ZC2HC1B: variants seen among roughly 807,000 people sequenced by gnomAD.
The protein encoded by ZC2HC1B is zinc finger C2HC-type containing 1B.
A neutral mutation model predicts 31.0 loss-of-function variants in ZC2HC1B; 36 were observed. That is an observed-to-expected ratio of 1.16 (90% CI 0.89 to 1.54). ZC2HC1B has a LOEUF of 1.54. Ranked by LOEUF, ZC2HC1B falls within the 40% of genes most tolerant of loss-of-function variation. The pLI, the probability that ZC2HC1B is intolerant of heterozygous loss-of-function variation, is 0.00. For synonymous variants in ZC2HC1B, 73 were observed against 88.0 expected, an observed-to-expected ratio of 0.83 and a Z score of 0.95; for missense variants, 260 against 268.6, an observed-to-expected ratio of 0.97 and a Z score of 0.22.
chr6:143,897,001 G>A lies in ZC2HC1B; in HGVS notation c.350-1551G>A, dbSNP rs78768182. Among the ~76,000 whole-genome samples the A allele has an allele frequency of 3.1e-4, 47 of 152,210 alleles. 3 individuals carry two copies. In the East Asian group the frequency reaches 8.5e-3, roughly 27 times the overall value. On this transcript the variant is annotated intron_variant, in intron 4 of 7. Transcript: ENST00000237275. Reference sequence around the variant, plus strand: ...CAGTCAGTGTTAAATTAATGATGAGGTACTGCCTTCTGGATGGAGTAAGAA... The same window carrying A: ...CAGTCAGTGTTAAATTAATGATGAGATACTGCCTTCTGGATGGAGTAAGAA...
At position 143,917,346 on chromosome 6, in the gene ZC2HC1B, A is replaced by G. The variant is rs1393183985; in HGVS notation, c.598+14194A>G. On this transcript the variant is annotated intron_variant, in intron 6 of 7. Coordinates refer to ENST00000237275, the MANE Select transcript of ZC2HC1B (RefSeq NM_001013623.3). This position sits in a 1 kb window ranked among gnomAD's most constrained non-coding sequence, Gnocchi z 4.1. The stretch of plus-strand genomic sequence containing the variant: ...TTTATCAGCAGCATGAAAACAGACT[A>G]ATACTACCGTCTTCTTTTGTTTTTA... Among the ~76,000 whole-genome samples, 1 of 152,230 alleles carries G rather than the reference A, an allele frequency of 6.6e-6. No individual in the cohort carries two copies. Among genetic ancestry groups the G allele is most frequent in the Admixed American group, 6.5e-5 (1 of 15,280 alleles).
intron 6 of ZC2HC1B, among the ~76,000 whole-genome samples, chr6:143,916,148 C>T (rs1247479610): frequency 1.3e-5 from 2 of 152,184 alleles, no homozygotes; most frequent in Non-Finnish European, 2.9e-5. Flanking sequence ...TGCCCTGTGT[C>T]CCAGCTGCTC....
At chr6:143,929,625 G>A (rs1778094070) in intron 6 of ZC2HC1B, among the ~76,000 whole-genome samples, 1 of 152,116 alleles carries the variant, frequency 6.6e-6, no homozygotes, top group Non-Finnish European at 1.5e-5. Context: ...TCAGTGTTTT[G>A]GGACAGTTTC....
chr6:143,864,515 A>T lies in ZC2HC1B; in HGVS notation c.-25A>T, dbSNP rs1256462887. The T allele has an allele frequency of 3.0e-5, 47 of 1,551,502 alleles. No homozygotes were observed. Among genetic ancestry groups the T allele is most frequent in the Non-Finnish European group, 4.0e-5 (46 of 1,146,842 alleles). ...GACTGGGCTGTAAAAATCTGTGAACACTGTTGCTCTGAGTTAGGAACAGAA... is the reference window on the plus strand; with the variant it reads ...GACTGGGCTGTAAAAATCTGTGAACTCTGTTGCTCTGAGTTAGGAACAGAA... On this transcript the variant is annotated 5_prime_UTR_variant, in exon 1 of 8. Transcript: ENST00000237275.
intron 5 of ZC2HC1B, among the ~76,000 whole-genome samples, chr6:143,902,190 C>T (rs914382865): frequency 5.3e-5 from 8 of 152,260 alleles, no homozygotes; most frequent in Middle Eastern, 3.4e-3. Flanking sequence ...CCAGCTTCAC[C>T]ACTTTGGGGC....
In ZC2HC1B at chr6:143,884,260, A is replaced by C. The variant is rs1777505208; in HGVS notation, c.29-44A>C. The C allele has an allele frequency of 6.7e-7, 1 of 1,488,410 alleles. No individual in the cohort carries two copies. Among genetic ancestry groups the C allele is most frequent in the Non-Finnish European group, 9.1e-7 (1 of 1,100,164 alleles). The allele number at this position is 1,488,410 out of a possible 1,614,324, so 92.2% of individuals were successfully genotyped here. On this transcript the variant is annotated intron_variant, in intron 1 of 7. Coordinates refer to ENST00000237275, the MANE Select transcript of ZC2HC1B (RefSeq NM_001013623.3). The surrounding 1 kb of genome is among the most constrained non-coding windows in gnomAD (Gnocchi z 5.1). ...AGTCAGTCATTTCTTCTCAGCGAGG[A>C]AATTCCATGAAACTAACATAATGTG... is the stretch of plus-strand genomic sequence containing the variant.
intron 4 of ZC2HC1B, among the ~76,000 whole-genome samples, chr6:143,894,752 T>C (rs541732501): frequency 1.8e-4 from 27 of 152,334 alleles, no homozygotes; most frequent in African/African-American, 6.3e-4. Context: ...AGAAATATAT[T>C]CATTTTAAGA....
intron 1 of ZC2HC1B, among the ~76,000 whole-genome samples, chr6:143,878,074 A>G (rs1582952689): frequency 6.6e-6 from 1 of 150,828 alleles, no homozygotes; most frequent in Non-Finnish European, 1.5e-5. Flanking sequence ...AAATTTACCT[A>G]CTTGCTAAAA....
In ZC2HC1B at chr6:143,893,355, G is replaced by A. The variant is rs549068870; in HGVS notation, c.350-5197G>A. On this transcript the variant is annotated intron_variant, in intron 4 of 7. Transcript: ENST00000237275. ...CAAGGTAGGCGGATCCCTTGAGGCC[G>A]GGAGTTTGAGACCAGCCCGGCCAAC... is the stretch of plus-strand genomic sequence containing the variant. 1.6e-3 allele frequency among the ~76,000 whole-genome samples: 243 copies of A among 152,118 alleles called. 1 individual carries two copies. The highest frequency in any genetic ancestry group is 5.4e-3 in the African/African-American group (226 of 41,520).
intron 1 of ZC2HC1B, among the ~76,000 whole-genome samples, chr6:143,867,075 A>C (rs1388066969): frequency 6.6e-6 from 1 of 152,226 alleles, no homozygotes; most frequent in East Asian, 1.9e-4. Flanking sequence ...AATATTGCAA[A>C]AAGTTACTTT....
rs1292095630 is a variant in ZC2HC1B, at chr6:143,923,065, T to A, written c.599-14584T>A. ...AAGAGCCATTCTAACAAGGGTAAGA[T>A]TTTGTCTCATTGCGTCTTGGATTGG... On this transcript the variant is annotated intron_variant, in intron 6 of 7. Coordinates refer to ENST00000237275, the MANE Select transcript of ZC2HC1B (RefSeq NM_001013623.3). This position sits in a 1 kb window ranked among gnomAD's most constrained non-coding sequence, Gnocchi z 4.8. 6.6e-6 allele frequency among the ~76,000 whole-genome samples: 1 copy of A among 152,154 alleles called. No individual in the cohort carries two copies. Among genetic ancestry groups the A allele is most frequent in the East Asian group, 1.9e-4 (1 of 5,196 alleles).
At chr6:143,928,512 A>G (rs1026249139) in intron 6 of ZC2HC1B, among the ~76,000 whole-genome samples, 2 of 152,088 alleles carry the variant, frequency 1.3e-5, no homozygotes, top group African/African-American at 4.8e-5. Context: ...TGATTACTAT[A>G]GACTTATAGT....
Position 143,898,611 on chromosome 6 carries a change from A to G in ZC2HC1B, c.409A>G (p.Thr137Ala), listed in dbSNP as rs1450683954. 6.4e-7 allele frequency: 1 copy of G among 1,551,912 alleles called. No individual in the cohort carries two copies. The highest frequency in any genetic ancestry group is 1.4e-5 in the African/African-American group (1 of 73,186). ...RFNESAAERH[T>A]NFCKDQSSRR... ...TAATGAAAGCGCAGCTGAGCGACAT[A>G]CTAATTTCTGCAAGGATCAGTCTTC... is the stretch of plus-strand genomic sequence containing the variant. The change falls in exon 5 of 8, where the codon ACT becomes GCT. Residue 137 changes from threonine (T) to alanine (A), a missense_variant. Thr to Ala is a moderately conservative substitution (Grantham distance 58). Coordinates refer to ENST00000237275, the MANE Select transcript of ZC2HC1B (RefSeq NM_001013623.3).
In ZC2HC1B at chr6:143,924,429, A is replaced by G. The variant is rs1778013003; in HGVS notation, c.599-13220A>G. ...CACACATATATCCATGTTATCTACAAAGAGGGACAGTTTGACTTCCTCTAT... is the reference window on the plus strand; with the variant it reads ...CACACATATATCCATGTTATCTACAGAGAGGGACAGTTTGACTTCCTCTAT... On this transcript the variant is annotated intron_variant, in intron 6 of 7. Coordinates refer to ENST00000237275, the MANE Select transcript of ZC2HC1B (RefSeq NM_001013623.3). The surrounding 1 kb of genome is among the most constrained non-coding windows in gnomAD (Gnocchi z 5.2). 2.6e-5 allele frequency among the ~76,000 whole-genome samples: 4 copies of G among 151,904 alleles called. No individual in the cohort carries two copies. In the South Asian group the frequency reaches 8.3e-4, roughly 31 times the overall value.
At chr6:143,936,307 G>A (rs12528289) in intron 6 of ZC2HC1B, among the ~76,000 whole-genome samples, 55,229 of 151,950 alleles carry the variant, frequency 0.36, 10,234 homozygotes, top group South Asian at 0.48. Context: ...TGAGGAGGTC[G>A]ATGTACTATT....
intron 6 of ZC2HC1B, among the ~76,000 whole-genome samples, chr6:143,907,129 G>C (rs1024596901): frequency 6.6e-6 from 1 of 152,160 alleles, no homozygotes; most frequent in African/African-American, 2.4e-5. Context: ...TTTTATGGCT[G>C]TATGGTATTC....
chr6:143,903,215 T>G lies in ZC2HC1B; in HGVS notation c.598+63T>G. Reference sequence around the variant, plus strand: ...GGGTCAGAGGAGATCACTGTTGGGTTTGGGATTCACTGGTAGTCTGCAAAA... The same window carrying G: ...GGGTCAGAGGAGATCACTGTTGGGTGTGGGATTCACTGGTAGTCTGCAAAA... On this transcript the variant is annotated intron_variant, in intron 6 of 7. Transcript: ENST00000237275. This position sits in a 1 kb window ranked among gnomAD's most constrained non-coding sequence, Gnocchi z 4.3. 7.0e-7 allele frequency: 1 copy of G among 1,436,922 alleles called. No homozygotes were observed. The highest frequency in any genetic ancestry group is 9.6e-7 in the Non-Finnish European group (1 of 1,042,924). The allele number at this position is 1,436,922 out of a possible 1,614,324, so 89.0% of individuals were successfully genotyped here.
intron 6 of ZC2HC1B, among the ~76,000 whole-genome samples, chr6:143,932,689 T>C (rs767015271): frequency 2.6e-5 from 4 of 152,184 alleles, no homozygotes; most frequent in Non-Finnish European, 5.9e-5. Flanking sequence ...TTTGGATCCA[T>C]TGCTGGGGAG....
rs561203704 is a variant in ZC2HC1B at position 143,920,650 on chromosome 6, C to G, written c.599-16999C>G. Among the ~76,000 whole-genome samples the G allele has an allele frequency of 7.2e-5, 11 of 152,214 alleles. No homozygotes were observed. In the East Asian group the frequency reaches 2.1e-3, roughly 29 times the overall value. ...ACACGGCTGGGCGTGGTGGCTCACA[C>G]CTGTAATCCCAGTACTTTGGGAGGC... On this transcript the variant is annotated intron_variant, in intron 6 of 7. Coordinates refer to ENST00000237275, the MANE Select transcript of ZC2HC1B (RefSeq NM_001013623.3).
Sources: gnomAD v4.1 joint callset for allele counts (sites outside exome capture counted in the v4.1 genomes callset) on GRCh38, gnomAD v4.1.1 for gene constraint, Gnocchi (gnomAD v3.1) non-coding constraint, MANE v1.5 for transcripts, NCBI Gene and HGNC (gene_info 2026-07-23, HGNC 2026-07-21) for gene names.